The following LRRC37A2 variants were observed in gnomAD, a reference collection of about 807,000 sequenced individuals.
LRRC37A2 encodes the protein leucine-rich repeat-containing protein 37A2.
A neutral mutation model predicts 68.8 loss-of-function variants in LRRC37A2; 9 were observed. The observed-to-expected ratio is 0.13, with a 90% CI of 0.08 to 0.23. The LOEUF (loss-of-function observed/expected upper bound fraction) is 0.23. LRRC37A2 is among the 10% of genes least tolerant of loss of function. LRRC37A2 has a pLI of 1.00. For synonymous variants in LRRC37A2, 63 were observed against 367.6 expected (o/e 0.17, Z 9.48); for missense variants, 168 against 950.4 (o/e 0.18, Z 10.82).
At chr17:46,785,165 A>C in the LRRC37A2 span, among the ~76,000 whole-genome samples, 1 of 151,798 alleles carries the variant, frequency 6.6e-6, no homozygotes, top group African/African-American at 2.4e-5. Context: ...ACACAGTGGG[A>C]CCTCCCAGCC....
the LRRC37A2 span, among the ~76,000 whole-genome samples, chr17:46,861,161 C>T: frequency 6.6e-6 from 1 of 152,230 alleles, no homozygotes; most frequent in Non-Finnish European, 1.5e-5. Flanking sequence ...CCCTCTGAGC[C>T]CCGACCCTGT....
At chr17:46,809,084 G>T in the LRRC37A2 span, among the ~76,000 whole-genome samples, 54 of 152,288 alleles carry the variant, frequency 3.5e-4, no homozygotes, top group African/African-American at 1.3e-3. Flanking sequence ...AAGCAAAGAG[G>T]TGAGTATTCC....
the LRRC37A2 span, among the ~76,000 whole-genome samples, chr17:47,032,437 C>A: frequency 6.6e-6 from 1 of 152,316 alleles, no homozygotes; most frequent in Admixed American, 6.5e-5. Flanking sequence ...GGCAGAACCA[C>A]TTACAAGCTT....
the LRRC37A2 span, chr17:46,938,684 A>G: frequency 3.1e-6 from 5 of 1,613,466 alleles, no homozygotes; most frequent in Admixed American, 8.3e-5. Context: ...CGGGCTTTCC[A>G]GGACAAGTAC....
At chr17:46,994,013 G>A in the LRRC37A2 span, among the ~76,000 whole-genome samples, 2 of 152,156 alleles carry the variant, frequency 1.3e-5, no homozygotes, top group Non-Finnish European at 2.9e-5. Flanking sequence ...TGTGCAGCCA[G>A]GTTTGAGAAG....
the LRRC37A2 span, chr17:46,722,258 A>AT: frequency 9.4e-7 from 1 of 1,059,420 alleles, no homozygotes; most frequent in African/African-American, 1.6e-5. Context: ...CTTAAGATTA[A>AT]TTTTGGGGGG....
chr17:46,761,319 G>GT, the LRRC37A2 span, among the ~76,000 whole-genome samples: 12,623 of 150,788 alleles, frequency 0.084, 1,409 homozygotes, highest in African/African-American at 0.25. Context: ...TTATTTTCCT[G>GT]GTTTTTTTTT....
the LRRC37A2 span, among the ~76,000 whole-genome samples, chr17:46,717,841 A>G: frequency 6.6e-6 from 1 of 152,188 alleles, no homozygotes; most frequent in African/African-American, 2.4e-5. Context: ...CAACTTTGAC[A>G]AGGTCCTGGA....
At chr17:46,806,232 A>T in the LRRC37A2 span, among the ~76,000 whole-genome samples, 3 of 99,798 alleles carry the variant, frequency 3.0e-5, no homozygotes. Flanking sequence ...TTTTTTTGAG[A>T]CAGAGTTTCG....
the LRRC37A2 span, among the ~76,000 whole-genome samples, chr17:46,784,859 T>G: frequency 2.7e-5 from 4 of 148,556 alleles, no homozygotes; most frequent in Non-Finnish European, 5.9e-5. Flanking sequence ...CACTGCAAGC[T>G]CCACCTCCCG....
At chr17:46,990,962 C>T in the LRRC37A2 span, among the ~76,000 whole-genome samples, 1 of 152,186 alleles carries the variant, frequency 6.6e-6, no homozygotes, top group East Asian at 1.9e-4. Context: ...TGAGCCACCA[C>T]ACCTGGCCAC....
At chr17:46,782,188 C>T in the LRRC37A2 span, among the ~76,000 whole-genome samples, 128 of 152,288 alleles carry the variant, frequency 8.4e-4, 1 homozygote, top group Middle Eastern at 0.01. Context: ...TTTCTCCATG[C>T]GGAAATCTAA....
the LRRC37A2 span, chr17:46,939,259 C>G: frequency 9.6e-7 from 1 of 1,036,714 alleles, no homozygotes; most frequent in Admixed American, 4.9e-5. Flanking sequence ...CTCCTGGCCA[C>G]CCTCCCCTGT....
chr17:46,946,748 A>G, the LRRC37A2 span, among the ~76,000 whole-genome samples: 4 of 152,172 alleles, frequency 2.6e-5, no homozygotes, highest in East Asian at 1.9e-4. Flanking sequence ...CTGTAGTCCC[A>G]GCTACTTGGG....
At chr17:46,726,652 A>C in the LRRC37A2 span, 1 of 1,546,932 alleles carries the variant, frequency 6.5e-7, no homozygotes, top group South Asian at 1.1e-5. Context: ...TATCTTTGCC[A>C]CATTACAGCT....
the LRRC37A2 span, among the ~76,000 whole-genome samples, chr17:47,026,605 T>C: frequency 2.6e-5 from 4 of 152,062 alleles, no homozygotes; most frequent in African/African-American, 7.2e-5. Flanking sequence ...AGACTAGAGA[T>C]GGAGACATCA....
the LRRC37A2 span, among the ~76,000 whole-genome samples, chr17:46,801,975 T>A: frequency 6.6e-6 from 1 of 152,234 alleles, no homozygotes; most frequent in African/African-American, 2.4e-5. Flanking sequence ...TTGAAAAGTT[T>A]CATGCCAGGT....
the LRRC37A2 span, among the ~76,000 whole-genome samples, chr17:46,866,173 A>T: frequency 6.6e-6 from 1 of 152,136 alleles, no homozygotes; most frequent in Non-Finnish European, 1.5e-5. Flanking sequence ...GGGGCCTCCC[A>T]GTGTAACAGC....
chr17:46,784,143 G>A, the LRRC37A2 span, among the ~76,000 whole-genome samples: 89 of 152,288 alleles, frequency 5.8e-4, no homozygotes, highest in African/African-American at 1.9e-3. Flanking sequence ...GTGGCTTCAG[G>A]AACAGACAGG....
Sources: gnomAD v4.1 joint callset for allele counts (sites outside exome capture counted in the v4.1 genomes callset) on GRCh38, gnomAD v4.1.1 for gene constraint, MANE v1.5 for transcripts, NCBI Gene and HGNC (gene_info 2026-07-23, HGNC 2026-07-21) for gene names.